TTC16: variants seen among roughly 807,000 people sequenced by gnomAD.
The protein encoded by TTC16 is tetratricopeptide repeat protein 16.
In TTC16, 66 loss-of-function variants were observed where a neutral mutation model predicts 80.4. That is an observed-to-expected ratio of 0.82 (90% CI 0.67 to 1.01). The LOEUF (loss-of-function observed/expected upper bound fraction) is 1.01, where lower values mean the gene tolerates loss of function less well. TTC16 is among the 50% of genes least tolerant of loss of function. The pLI is 0.00. For missense variants in TTC16, 1,070 were observed against 1,103.2 expected, an observed-to-expected ratio of 0.97 and a Z score of 0.43; for synonymous variants, 438 against 451.3, an observed-to-expected ratio of 0.97 and a Z score of 0.37.
Position 127,727,279 on chromosome 9 carries a change from A to G in TTC16, c.1578A>G (p.Lys526=), listed in dbSNP as rs472144. 914,332 of 1,560,946 alleles carry G rather than the reference A, an allele frequency of 0.59. 271,578 individuals carry two copies. Among genetic ancestry groups the G allele is most frequent in the African/African-American group, 0.75 (55,183 of 73,164 alleles). The change falls in exon 12 of 14, where the codon AAA becomes AAG. Residue 526 remains lysine (K), a synonymous_variant. Transcript: ENST00000373289. The part of the protein sequence containing the change: ...GSPQGIVGML[K]RHELERQKAL... ...GGGTATCGTTTGGCAGGATGCTTAA[A>G]CGGCACGAGTTGGAGCGCCAGAAGG...
intron 9 of TTC16, 137 bp downstream of exon 9, chr9:127,725,034 G>A (rs1202827860): frequency 7.4e-6 from 8 of 1,082,086 alleles, no homozygotes; most frequent in East Asian, 2.9e-5. Flanking sequence ...TAATCCCCAC[G>A]CAGGTGGATC....
chr9:127,726,764 G>A (rs556998994), intron 10 of TTC16, among the ~76,000 whole-genome samples: 1 of 147,526 alleles, frequency 6.8e-6, no homozygotes, highest in Non-Finnish European at 1.5e-5. Context: ...CTCCAGCCTG[G>A]GCGATAGAGT....
chr9:127,717,074 G>T, intron 2 of TTC16, 58 bp downstream of exon 2: 1 of 1,594,510 alleles, frequency 6.3e-7, no homozygotes, highest in Non-Finnish European at 8.6e-7. Flanking sequence ...CCATTCACAT[G>T]CTGTGCAGCT....
Position 127,717,658 on chromosome 9 carries a change from C to T in TTC16, c.312C>T (p.Ala104=). 1.9e-6 allele frequency: 3 copies of T among 1,614,058 alleles called. No individual in the cohort carries two copies. Among genetic ancestry groups the T allele is most frequent in the South Asian group, 1.1e-5 (1 of 91,090 alleles). The change falls in exon 4 of 14, where the codon GCC becomes GCT. Residue 104 remains alanine, a synonymous_variant. Coordinates refer to ENST00000373289, the MANE Select transcript of TTC16 (RefSeq NM_144965.3). ...ACTTCTATGCCTTACGGGCTGAGGCCTACCTCCAGCTCTGTGACTTCTCCT... is the reference window on the plus strand; with the variant it reads ...ACTTCTATGCCTTACGGGCTGAGGCTTACCTCCAGCTCTGTGACTTCTCCT... ...LVDFYALRAE[A]YLQLCDFSSA...
In TTC16 at chr9:127,731,286, C is replaced by G. The variant is rs373950754; in HGVS notation, c.2503C>G (p.Gln835Glu). The change falls in exon 14 of 14, where the codon CAG becomes GAG. Residue 835 changes from glutamine (Q) to glutamate (E), a missense_variant. Transcript: ENST00000373289. ...GQRSSKAEGA[Q>E]GKSQGMSSTS... ...GAGGTCCAGCAAGGCTGAGGGTGCC[C>G]AGGGCAAGAGCCAGGGCATGAGCTC... 19 of 1,613,116 alleles carry G rather than the reference C, an allele frequency of 1.2e-5. No homozygotes were observed. Among genetic ancestry groups the G allele is most frequent in the Non-Finnish European group, 1.5e-5 (18 of 1,180,040 alleles).
In TTC16 at chr9:127,718,776, G is replaced by A. The variant is rs1486285931; in HGVS notation, c.426+1004G>A. ...CTGGCTAATTTTTGTACTTTTAATA[G>A]AGATGGGTTTTTGCCATGTTGGCCA... is the stretch of plus-strand genomic sequence containing the variant. On this transcript the variant is annotated intron_variant, in intron 4 of 13. Transcript: ENST00000373289. The surrounding 1 kb of genome is among the most constrained non-coding windows in gnomAD (Gnocchi z 4.6). Among the ~76,000 whole-genome samples, 1 of 151,808 alleles carries A rather than the reference G, an allele frequency of 6.6e-6. No homozygotes were observed. Among genetic ancestry groups the A allele is most frequent in the Non-Finnish European group, 1.5e-5 (1 of 67,928 alleles).
intron 12 of TTC16, 40 bp downstream of exon 12, chr9:127,727,505 C>A: frequency 6.5e-7 from 1 of 1,547,578 alleles, no homozygotes; most frequent in South Asian, 1.2e-5. Context: ...CCCTTGGGGT[C>A]TGGGGCACAG....
At position 127,730,824 on chromosome 9, in the gene TTC16, A is replaced by T. The variant is rs1844355692; in HGVS notation, c.2041A>T (p.Ser681Cys). ...CAAGGCCACCCAGGGCCAGAGGCAG[A>T]GCCTTAGCAAGACTGAGCCCACCCA... ...KIKATQGQRQ[S>C]LSKTEPTQSQ... Residue 681 changes from serine (S) to cysteine (C), a missense_variant, in exon 14 of 14, where the codon AGC becomes TGC. By Grantham distance (112) the Ser-to-Cys change is moderately radical. Coordinates refer to ENST00000373289, the MANE Select transcript of TTC16 (RefSeq NM_144965.3). 1 of 1,611,826 alleles carries T rather than the reference A, an allele frequency of 6.2e-7. No homozygotes were observed. The highest frequency in any genetic ancestry group is 1.3e-5 in the African/African-American group (1 of 74,168).
chr9:127,716,314 T>C lies in TTC16; in HGVS notation c.18+151T>C, dbSNP rs760078313. ...GCCGCCATGCCAAGAACCAGGCATG[T>C]GAAAGATCCTTGTAAGGCTCGGCGG... On this transcript the variant is annotated intron_variant, in intron 1 of 13. Transcript: ENST00000373289. 9.6e-4 allele frequency: 1,125 copies of C among 1,174,722 alleles called. 2 individuals carry two copies. The highest frequency in any genetic ancestry group is 1.3e-3 in the Non-Finnish European group (1,044 of 801,772). The allele number at this position is 1,174,722 out of a possible 1,614,324, so 72.8% of individuals were successfully genotyped here.
At chr9:127,730,233 A>T (rs1250463877) in intron 13 of TTC16, 13 of 250,216 alleles carry the variant, frequency 5.2e-5, no homozygotes, top group African/African-American at 2.4e-4. Context: ...ACCCACAGCC[A>T]GGAGACAGGG....
chr9:127,716,738 G>A (rs939570410), intron 1 of TTC16, 106 bp from the exon 2 acceptor site: 24 of 1,422,102 alleles, frequency 1.7e-5, no homozygotes, highest in Non-Finnish European at 2.2e-5. Flanking sequence ...CCTCCTTCCA[G>A]GCCTCATTTC....
rs1370341651 is a variant in TTC16 at position 127,730,821 on chromosome 9, C to T, written c.2038C>T (p.Gln680Ter). 6.2e-7 allele frequency: 1 copy of T among 1,613,284 alleles called. No individual in the cohort carries two copies. ...RKIKATQGQR[Q>*]SLSKTEPTQS... Reference sequence around the variant, plus strand: ...AATCAAGGCCACCCAGGGCCAGAGGCAGAGCCTTAGCAAGACTGAGCCCAC... The same window carrying T: ...AATCAAGGCCACCCAGGGCCAGAGGTAGAGCCTTAGCAAGACTGAGCCCAC... Residue 680 changes from glutamine (Q) to a stop codon, truncating the protein, a stop_gained, in exon 14 of 14, where the codon CAG (glutamine) becomes TAG (stop). Coordinates refer to ENST00000373289, the MANE Select transcript of TTC16 (RefSeq NM_144965.3). LOFTEE classifies it low-confidence loss of function (END_TRUNC).
intron 6 of TTC16, among the ~76,000 whole-genome samples, chr9:127,721,892 G>A (rs562324620): frequency 4.0e-5 from 6 of 151,814 alleles, no homozygotes; most frequent in African/African-American, 7.3e-5. Flanking sequence ...ACAAGGTTTC[G>A]CCAGGTGATA....
At chr9:127,719,054 T>C (rs1441177484) in intron 4 of TTC16, among the ~76,000 whole-genome samples, 1 of 151,450 alleles carries the variant, frequency 6.6e-6, no homozygotes, top group Non-Finnish European at 1.5e-5. Flanking sequence ...CTACTAAAAA[T>C]ACAAAAACTA....
chr9:127,717,225 T>C, intron 2 of TTC16, 109 bp from the exon 3 acceptor site: 1 of 1,240,602 alleles, frequency 8.1e-7, no homozygotes, highest in Non-Finnish European at 1.1e-6. Flanking sequence ...CTACTCCTCC[T>C]GCCTCTCCAC....
chr9:127,720,261 C>G lies in TTC16; in HGVS notation c.528-5C>G. 6.2e-7 allele frequency: 1 copy of G among 1,613,434 alleles called. No individual in the cohort carries two copies. Among genetic ancestry groups the G allele is most frequent in the Non-Finnish European group, 8.5e-7 (1 of 1,179,954 alleles). ...AAACGAGCACTCTGTGCCCTCTGCC[C>G]TCAGCATGGCCTGTCTCCTGGCCCT... is the stretch of plus-strand genomic sequence containing the variant. On this transcript the variant is annotated splice_polypyrimidine_tract_variant and splice_region_variant and intron_variant, in intron 5 of 13. Transcript: ENST00000373289.
intron 3 of TTC16, 71 bp from the exon 4 acceptor site, chr9:127,717,558 G>A: frequency 1.3e-6 from 2 of 1,588,528 alleles, no homozygotes; most frequent in Non-Finnish European, 1.7e-6. Flanking sequence ...TCAGGGGGGT[G>A]GAGACTTTCC....
Position 127,723,234 on chromosome 9 carries a change from C to A in TTC16, c.773C>A (p.Ala258Glu). ...VAQAQQARQDAGILAVQGKLQ... is the reference protein window; with the variant it reads ...VAQAQQARQDEGILAVQGKLQ... Reference sequence around the variant, plus strand: ...CAGGCCCAGCAGGCGCGCCAAGATGCGGGGATCCTGGCTGTGCAGGGCAAG... The same window carrying A: ...CAGGCCCAGCAGGCGCGCCAAGATGAGGGGATCCTGGCTGTGCAGGGCAAG... The change falls in exon 7 of 14, where the codon GCG becomes GAG. Residue 258 changes from alanine (A) to glutamate (E), a missense_variant. Physicochemically the swap from Ala to Glu is moderately radical, Grantham distance 107. Coordinates refer to ENST00000373289, the MANE Select transcript of TTC16 (RefSeq NM_144965.3). The A allele has an allele frequency of 6.2e-7, 1 of 1,612,882 alleles. No individual in the cohort carries two copies. Among genetic ancestry groups the A allele is most frequent in the Non-Finnish European group, 8.5e-7 (1 of 1,180,038 alleles).
chr9:127,724,124 A>T lies in TTC16; in HGVS notation c.877A>T (p.Thr293Ser), dbSNP rs1843717637. The T allele has an allele frequency of 1.2e-6, 2 of 1,608,534 alleles. No homozygotes were observed. Among genetic ancestry groups the T allele is most frequent in the Admixed American group, 1.7e-5 (1 of 59,712 alleles). The change falls in exon 8 of 14, where the codon ACC (threonine) becomes TCC (serine). Residue 293 changes from threonine (T) to serine (S), a missense_variant. Transcript: ENST00000373289. The part of the protein sequence containing the change: ...LDPSLFLFRG[T>S]MYRRLQEFDG... ...CTCCCACGCCCCCCCCGACAGGGGCACCATGTACCGACGGCTCCAGGAGTT... is the reference window on the plus strand; with the variant it reads ...CTCCCACGCCCCCCCCGACAGGGGCTCCATGTACCGACGGCTCCAGGAGTT...
Sources: gnomAD v4.1 joint callset for allele counts (sites outside exome capture counted in the v4.1 genomes callset) on GRCh38, gnomAD v4.1.1 for gene constraint, Gnocchi (gnomAD v3.1) non-coding constraint, MANE v1.5 for transcripts, NCBI Gene and HGNC (gene_info 2026-07-23, HGNC 2026-07-21) for gene names.